ZSWIM5: variants seen among roughly 807,000 people sequenced by gnomAD.
ZSWIM5 encodes the protein zinc finger SWIM-type containing 5.
Under a neutral mutation model 119.6 loss-of-function variants are expected in ZSWIM5, and 55 were observed. The observed-to-expected ratio is 0.46, with a 90% CI of 0.37 to 0.58. ZSWIM5 has a LOEUF of 0.58. Among genes scored for constraint, ZSWIM5 ranks in the 20% least tolerant of loss-of-function variants. The pLI is 0.00. For missense variants in ZSWIM5, 1,193 were observed against 1,512.8 expected (o/e 0.79, Z 3.51); for synonymous variants, 537 against 606.9 (o/e 0.88, Z 1.69).
chr1:45,206,325 T>C lies in ZSWIM5; in HGVS notation c.26A>G (p.Glu9Gly). The change falls in exon 1 of 14, where the codon GAG (glutamate) becomes GGG (glycine). Residue 9 changes from glutamate (E) to glycine (G), a missense_variant. Physicochemically the swap from Glu to Gly is moderately conservative, Grantham distance 98. Around this residue, in one of 2 missense-constraint regions of ZSWIM5, gnomAD observed 232 missense variants for 222.9 expected, o/e 1.04. Transcript: ENST00000359600. MADGGERE[E>G]LLSPSPVSPA... ...AGAGACCGGTGACGGCGAGAGCAGC[T>C]CCTCTCGCTCACCTCCGTCCGCCAT... 6.6e-7 allele frequency: 1 copy of C among 1,504,776 alleles called. No homozygotes were observed. The highest frequency in any genetic ancestry group is 8.9e-7 in the Non-Finnish European group (1 of 1,126,168). 93.2% of individuals were successfully genotyped at this position (1,504,776 alleles called of 1,614,324 possible). A position where few individuals can be genotyped will look rare whatever the true frequency, so the allele number is the denominator to read the frequency against.
chr1:45,199,294 C>G (rs537042620), intron 1 of ZSWIM5, among the ~76,000 whole-genome samples: 9 of 139,964 alleles, frequency 6.4e-5, no homozygotes, highest in Non-Finnish European at 1.1e-4. Flanking sequence ...CTTCAATAGT[C>G]TTTTTTTTTT....
chr1:45,139,094 C>T (rs1297857014), intron 1 of ZSWIM5, among the ~76,000 whole-genome samples: 1 of 151,758 alleles, frequency 6.6e-6, no homozygotes, highest in African/African-American at 2.4e-5. Flanking sequence ...ACTGGCCAGG[C>T]TGGTCTCAAA....
intron 1 of ZSWIM5, among the ~76,000 whole-genome samples, chr1:45,137,177 C>T (rs149536554): frequency 7.5e-4 from 114 of 152,250 alleles, no homozygotes; most frequent in African/African-American, 2.5e-3. Flanking sequence ...GATCCTCCTG[C>T]CTCAGCCTCC....
chr1:45,093,315 GA>G (rs1268160944), intron 1 of ZSWIM5, among the ~76,000 whole-genome samples: 11 of 152,176 alleles, frequency 7.2e-5, no homozygotes, highest in Non-Finnish European at 1.0e-4. Context: ...GTAATGGCTT[GA>G]AACCTCTAGG....
chr1:45,051,877 T>C (rs1448067519), intron 4 of ZSWIM5, among the ~76,000 whole-genome samples: 3 of 152,256 alleles, frequency 2.0e-5, no homozygotes, highest in Non-Finnish European at 4.4e-5. Context: ...GTAAAGGGTC[T>C]AGCATATTAC....
chr1:45,020,071 T>C lies in ZSWIM5; in HGVS notation c.2690A>G (p.Glu897Gly). ...GAGGGAGGTGGGAGACTCACCCACT[T>C]CTGTAGCACAGGTCACCAACCATCG... ...MVRWLVTCAT[E>G]VGVRALVSIL... Residue 897 changes from glutamate (E) to glycine (G), a missense_variant, in exon 13 of 14, where the codon GAA becomes GGA. Coordinates refer to ENST00000359600, the MANE Select transcript of ZSWIM5 (RefSeq NM_020883.2). 6.2e-7 allele frequency: 1 copy of C among 1,613,236 alleles called. No homozygotes were observed. Among genetic ancestry groups the C allele is most frequent in the Non-Finnish European group, 8.5e-7 (1 of 1,179,716 alleles).
chr1:45,127,140 C>T (rs1226723), intron 1 of ZSWIM5, among the ~76,000 whole-genome samples: 22,740 of 152,018 alleles, frequency 0.15, 2,168 homozygotes, highest in African/African-American at 0.26. Flanking sequence ...CAGAAGTCAA[C>T]GATATATAAA....
intron 1 of ZSWIM5, among the ~76,000 whole-genome samples, chr1:45,166,568 C>G (rs1193562321): frequency 6.6e-6 from 1 of 151,926 alleles, no homozygotes; most frequent in Admixed American, 6.6e-5. Flanking sequence ...ATATTTAGAA[C>G]ACCCCATCAT....
Position 45,168,530 on chromosome 1 carries a change from T to C in ZSWIM5, c.595+37226A>G, listed in dbSNP as rs371637662. Reference sequence around the variant, plus strand: ...AAATACAAAAATTAACTGGGTGTGGTGGCGCATGCCTGTAATCCCAGCTAC... The same window carrying C: ...AAATACAAAAATTAACTGGGTGTGGCGGCGCATGCCTGTAATCCCAGCTAC... On this transcript the variant is annotated intron_variant, in intron 1 of 13. Coordinates refer to ENST00000359600, the MANE Select transcript of ZSWIM5 (RefSeq NM_020883.2). Among the ~76,000 whole-genome samples the C allele has an allele frequency of 6.4e-4, 97 of 151,124 alleles. 1 individual carries two copies. The East Asian group carries it at 0.012, about 19-fold the overall frequency.
intron 1 of ZSWIM5, among the ~76,000 whole-genome samples, chr1:45,203,227 T>C (rs1184214459): frequency 6.6e-6 from 1 of 152,072 alleles, no homozygotes; most frequent in African/African-American, 2.4e-5. Flanking sequence ...TAACCAGAAT[T>C]CATGACTTCC....
At chr1:45,146,754 G>A (rs1276153162) in intron 1 of ZSWIM5, among the ~76,000 whole-genome samples, 2 of 151,832 alleles carry the variant, frequency 1.3e-5, no homozygotes, top group Non-Finnish European at 2.9e-5. Flanking sequence ...GTATACGTAC[G>A]TACTCATATT....
intron 1 of ZSWIM5, among the ~76,000 whole-genome samples, chr1:45,105,861 G>A (rs1386016273): frequency 6.9e-6 from 1 of 145,108 alleles, no homozygotes. Context: ...CCTCTGCCTG[G>A]CCGCCCCATC....
At chr1:45,030,456 A>G (rs1264914925) in intron 11 of ZSWIM5, among the ~76,000 whole-genome samples, 1 of 152,134 alleles carries the variant, frequency 6.6e-6, no homozygotes, top group Non-Finnish European at 1.5e-5. Context: ...CATGTTGGCC[A>G]GGCTGGTCTC....
intron 2 of ZSWIM5, among the ~76,000 whole-genome samples, chr1:45,063,764 G>A (rs924687617): frequency 1.3e-5 from 2 of 152,112 alleles, no homozygotes; most frequent in Middle Eastern, 3.4e-3. Flanking sequence ...AGGCTGAGGC[G>A]GGCGGATCAT....
intron 11 of ZSWIM5, among the ~76,000 whole-genome samples, chr1:45,031,621 C>T (rs909398186): frequency 2.0e-4 from 30 of 151,946 alleles, no homozygotes; most frequent in Admixed American, 1.5e-3. Context: ...GGGCGGATCA[C>T]GAGGTCAGGA....
At chr1:45,147,458 C>T (rs1163847067) in intron 1 of ZSWIM5, among the ~76,000 whole-genome samples, 2 of 151,870 alleles carry the variant, frequency 1.3e-5, no homozygotes, top group Non-Finnish European at 2.9e-5. Flanking sequence ...TGCAGCTTCA[C>T]TTGTAAATGT....
chr1:45,020,798 T>A lies in ZSWIM5; in HGVS notation c.2450-10A>T. 6.2e-7 allele frequency: 1 copy of A among 1,612,538 alleles called. No individual in the cohort carries two copies. The highest frequency in any genetic ancestry group is 8.5e-7 in the Non-Finnish European group (1 of 1,179,364). On this transcript the variant is annotated splice_polypyrimidine_tract_variant and intron_variant, in intron 11 of 13. Transcript: ENST00000359600. ...AGTCTCAAAGTGTCTCCTATAGGTG[T>A]CAAGAGAAGGGGCAGGGTCTATTTT... is the stretch of plus-strand genomic sequence containing the variant.
In ZSWIM5 at chr1:45,047,663, C is replaced by CT. The variant is rs148746654; in HGVS notation, c.1432+3410dup. The stretch of plus-strand genomic sequence containing the variant: ...TGATGTAATAGGATCTTGAGAACAA[C>CT]TGGAGGGCTTGGATTTAGAAGCATA... On this transcript the variant is annotated intron_variant, in intron 5 of 13. Transcript: ENST00000359600. Among the ~76,000 whole-genome samples, 92 of 152,184 alleles carry CT rather than the reference C, an allele frequency of 6.0e-4. 2 individuals carry two copies. The East Asian group carries it at 0.016, about 27-fold the overall frequency.
chr1:45,085,641 T>C (rs1645322848), intron 2 of ZSWIM5, among the ~76,000 whole-genome samples: 1 of 148,618 alleles, frequency 6.7e-6, no homozygotes, highest in African/African-American at 2.5e-5. Context: ...CCCCAAATCA[T>C]CACTCTCAAG....
Sources: allele counts gnomAD v4.1 joint callset (sites outside exome capture counted in the v4.1 genomes callset), GRCh38; gene constraint gnomAD v4.1.1; regional missense constraint gnomAD v4.1.1; transcripts MANE v1.5; gene names NCBI Gene and HGNC (gene_info 2026-07-23, HGNC 2026-07-21).